The following SUCO variants were observed in gnomAD, a reference collection of about 807,000 sequenced individuals.
The protein encoded by SUCO is SUN domain containing ossification factor.
A neutral mutation model predicts 148.1 loss-of-function variants in SUCO; 57 were observed. The observed-to-expected ratio is 0.38, with a 90% CI of 0.31 to 0.48. The LOEUF is 0.48. Among genes scored for constraint, SUCO ranks in the 20% least tolerant of loss-of-function variants. The probability of loss-of-function intolerance (pLI) is 0.96; values close to 1 mark genes in which losing one functional copy is unlikely to be tolerated. For synonymous variants in SUCO, 470 were observed against 502.7 expected (o/e 0.93, Z 0.87); for missense variants, 1,331 against 1,468.2 (o/e 0.91, Z 1.53).
intron 6 of SUCO, chr1:172,568,539 T>G: frequency 1.4e-6 from 1 of 699,124 alleles, no homozygotes; most frequent in South Asian, 6.4e-5. Context: ...TAAAGTTTTG[T>G]TTTTTCACAT....
In SUCO at chr1:172,598,943, CT is replaced by C. The variant is rs544832438; in HGVS notation, c.2914-1120del. On this transcript the variant is annotated intron_variant, in intron 19 of 23. Transcript: ENST00000263688. ...TTTGTTACAGTTTTATACACCCCCC[CT>C]CTCCACACACAGGTACACAGCTTTT... Among the ~76,000 whole-genome samples, 77 of 152,236 alleles carry C rather than the reference CT, an allele frequency of 5.1e-4. No homozygotes were observed. In the East Asian group the frequency reaches 0.013, roughly 25 times the overall value.
At chr1:172,538,879 G>A (rs2149216717) in intron 1 of SUCO, among the ~76,000 whole-genome samples, 1 of 152,292 alleles carries the variant, frequency 6.6e-6, no homozygotes, top group South Asian at 2.1e-4. Context: ...ATAGGAAAAG[G>A]TCTGTGAAAG....
intron 6 of SUCO, among the ~76,000 whole-genome samples, chr1:172,561,800 G>C (rs1330843155): frequency 1.3e-5 from 2 of 152,128 alleles, no homozygotes; most frequent in Non-Finnish European, 2.9e-5. Context: ...TTCCCACCAA[G>C]GGACACAATG....
At chr1:172,594,015 T>C (rs1254650721) in intron 19 of SUCO, among the ~76,000 whole-genome samples, 6 of 152,230 alleles carry the variant, frequency 3.9e-5, no homozygotes, top group Non-Finnish European at 8.8e-5. Context: ...AGGGTGTATG[T>C]GTCCAGGAAT....
intron 6 of SUCO, chr1:172,568,414 C>T (rs1375142523): frequency 9.3e-6 from 9 of 971,126 alleles, no homozygotes; most frequent in South Asian, 4.8e-5. Flanking sequence ...GTGACTTATT[C>T]GTCCATGTCA....
At chr1:172,577,732 G>T in intron 12 of SUCO, 32 bp from the exon 13 acceptor site, 1 of 1,605,144 alleles carries the variant, frequency 6.2e-7, no homozygotes, top group Non-Finnish European at 8.5e-7. Context: ...GCTCTCTGCT[G>T]GCTTCCCATT....
intron 17 of SUCO, chr1:172,588,389 A>G: frequency 3.0e-6 from 3 of 985,244 alleles, no homozygotes; most frequent in Non-Finnish European, 3.6e-6. Flanking sequence ...TCTGATGTGT[A>G]AGGGATAGTG....
At chr1:172,600,004 A>G (rs1657392892) in intron 19 of SUCO, 60 bp from the exon 20 acceptor site, 15 of 1,159,786 alleles carry the variant, frequency 1.3e-5, no homozygotes, top group Non-Finnish European at 1.7e-5. Flanking sequence ...TTTGACTTCA[A>G]TTTATAATGT....
chr1:172,610,018 A>C lies in SUCO; in HGVS notation c.3524A>C (p.Glu1175Ala). The change falls in exon 24 of 24, where the codon GAG (glutamate) becomes GCG (alanine). Residue 1175 changes from glutamate to alanine, a missense_variant. Physicochemically the swap from Glu to Ala is moderately radical, Grantham distance 107. Coordinates refer to ENST00000263688, the MANE Select transcript of SUCO (RefSeq NM_014283.5). ...GSSETSSQSE[E>A]SYFCGISACT... ...TCAGAAACTTCATCACAGTCAGAAGAGTCCTATTTTTGTGGCATTTCAGCT... is the reference window on the plus strand; with the variant it reads ...TCAGAAACTTCATCACAGTCAGAAGCGTCCTATTTTTGTGGCATTTCAGCT... 1 of 1,614,004 alleles carries C rather than the reference A, an allele frequency of 6.2e-7. No homozygotes were observed. Among genetic ancestry groups the C allele is most frequent in the Non-Finnish European group, 8.5e-7 (1 of 1,179,912 alleles).
intron 1 of SUCO, among the ~76,000 whole-genome samples, chr1:172,550,523 C>CA (rs775176218): frequency 1.8e-4 from 28 of 151,910 alleles, no homozygotes; most frequent in Non-Finnish European, 3.4e-4. Flanking sequence ...TATATAAACT[C>CA]ATCTGCAGTT....
In SUCO at chr1:172,602,121, C is replaced by G; in HGVS notation, c.3076C>G (p.Leu1026Val). The G allele has an allele frequency of 6.2e-7, 1 of 1,613,678 alleles. No individual in the cohort carries two copies. The highest frequency in any genetic ancestry group is 8.5e-7 in the Non-Finnish European group (1 of 1,179,786). ...TTTGGTTCTTTGTGTTGTCTTGGGA[C>G]TGATGCTTTGTATGCAGCGTTGTCG... ...ISLVLCVVLGLMLCMQRCRNT... is the reference protein window; with the variant it reads ...ISLVLCVVLGVMLCMQRCRNT... The change falls in exon 21 of 24, where the codon CTG becomes GTG. Residue 1026 changes from leucine to valine, a missense_variant. Coordinates refer to ENST00000263688, the MANE Select transcript of SUCO (RefSeq NM_014283.5).
chr1:172,598,755 AG>A (rs1469356326), intron 19 of SUCO, among the ~76,000 whole-genome samples: 1 of 152,210 alleles, frequency 6.6e-6, no homozygotes, highest in African/African-American at 2.4e-5. Context: ...TAACTTTAAT[AG>A]CTTGTCCTTT....
chr1:172,579,668 A>G (rs932251152), intron 15 of SUCO, among the ~76,000 whole-genome samples: 1 of 152,066 alleles, frequency 6.6e-6, no homozygotes, highest in African/African-American at 2.4e-5. Flanking sequence ...ATGAATACCA[A>G]TAAGAATACT....
At chr1:172,582,968 A>C (rs1402201782) in intron 15 of SUCO, among the ~76,000 whole-genome samples, 1 of 152,156 alleles carries the variant, frequency 6.6e-6, no homozygotes, top group Admixed American at 6.5e-5. Context: ...TATCTTCTTG[A>C]ATTATTTAAT....
chr1:172,545,350 C>A (rs1250202097), intron 1 of SUCO, among the ~76,000 whole-genome samples: 1 of 152,094 alleles, frequency 6.6e-6, no homozygotes, highest in Non-Finnish European at 1.5e-5. Context: ...TAGCTGTCAA[C>A]TAAAAACCAT....
At chr1:172,552,776 GA>G (rs1653399249) in intron 2 of SUCO, 1 of 284,340 alleles carries the variant, frequency 3.5e-6, no homozygotes, top group Non-Finnish European at 5.3e-6. Flanking sequence ...CATTAAGGGG[GA>G]AAGCATGTTC....
Position 172,609,853 on chromosome 1 carries a change from C to T in SUCO, c.3359C>T (p.Thr1120Ile). The T allele has an allele frequency of 6.2e-7, 1 of 1,607,998 alleles. No homozygotes were observed. The highest frequency in any genetic ancestry group is 8.5e-7 in the Non-Finnish European group (1 of 1,178,354). ...AAGTACAAAATTGAAAAAATTGAGA[C>T]CATAAAGCCTGAAGAACCATTGCAC... ...RCKYKIEKIE[T>I]IKPEEPLHPI... Residue 1120 changes from threonine (T) to isoleucine (I), a missense_variant, in exon 24 of 24, where the codon ACC becomes ATC. Thr to Ile is a moderately conservative substitution (Grantham distance 89, BLOSUM62 -1). This residue lies in a region of SUCO where 334 missense variants were observed against 352.3 expected (regional missense o/e 0.95). Transcript: ENST00000263688.
intron 1 of SUCO, among the ~76,000 whole-genome samples, chr1:172,539,547 A>G (rs1312211239): frequency 6.6e-6 from 1 of 152,178 alleles, no homozygotes; most frequent in Non-Finnish European, 1.5e-5. Context: ...GCTAGTTAAA[A>G]TTATTTTATA....
intron 19 of SUCO, among the ~76,000 whole-genome samples, chr1:172,596,221 G>C (rs1657087519): frequency 6.6e-6 from 1 of 152,154 alleles, no homozygotes; most frequent in Non-Finnish European, 1.5e-5. Flanking sequence ...TGATGGGTTT[G>C]AACATCTTCC....
Sources: gnomAD v4.1 joint callset for allele counts (sites outside exome capture counted in the v4.1 genomes callset) on GRCh38, gnomAD v4.1.1 for gene constraint, gnomAD v4.1.1 regional missense constraint, MANE v1.5 for transcripts, NCBI Gene and HGNC (gene_info 2026-07-23, HGNC 2026-07-21) for gene names.